The following GPR137B variants were observed in gnomAD, a reference collection of about 807,000 sequenced individuals.
GPR137B encodes G protein-coupled receptor 137B.
Under a neutral mutation model 42.5 loss-of-function variants are expected in GPR137B, and 42 were observed. The observed-to-expected ratio is 0.99, with a 90% CI of 0.77 to 1.28. GPR137B has a LOEUF of 1.28. GPR137B is among the 50% of genes most tolerant of loss of function. GPR137B has a pLI of 0.00. For missense variants in GPR137B, 487 were observed against 493.9 expected (o/e 0.99, Z 0.13); for synonymous variants, 218 against 209.7 (o/e 1.04, Z -0.34).
At position 236,183,900 on chromosome 1, in the gene GPR137B, G is replaced by A. The variant is rs1281679785; in HGVS notation, c.960G>A (p.Lys320=). The change falls in exon 5 of 7, where the codon AAG becomes AAA. Residue 320 remains lysine, a synonymous_variant. Transcript: ENST00000366592. ...VYFFRVRNPT[K]DLTNPGMVPS... Reference sequence around the variant, plus strand: ...TCTTCCGAGTTAGAAATCCTACAAAGGACCTTGTAAGTAAACCATTTTACA... The same window carrying A: ...TCTTCCGAGTTAGAAATCCTACAAAAGACCTTGTAAGTAAACCATTTTACA... 1 of 1,607,130 alleles carries A rather than the reference G, an allele frequency of 6.2e-7. No homozygotes were observed. The highest frequency in any genetic ancestry group is 1.3e-5 in the African/African-American group (1 of 74,642).
intron 5 of GPR137B, among the ~76,000 whole-genome samples, chr1:236,197,968 G>GC (rs1558495528): frequency 6.6e-6 from 1 of 152,054 alleles, no homozygotes; most frequent in Non-Finnish European, 1.5e-5. Flanking sequence ...TGATCCACCC[G>GC]CCTCGGCCTC....
chr1:236,184,987 G>C (rs1261501684), intron 5 of GPR137B, among the ~76,000 whole-genome samples: 2 of 152,086 alleles, frequency 1.3e-5, no homozygotes, highest in African/African-American at 4.8e-5. Flanking sequence ...GGCTGGTCTC[G>C]AACTCCTGAC....
chr1:236,183,784 T>A lies in GPR137B; in HGVS notation c.844T>A (p.Leu282Met), dbSNP rs1238023545. Residue 282 changes from leucine (L) to methionine (M), a missense_variant, in exon 5 of 7, where the codon TTG (leucine) becomes ATG (methionine). Physicochemically the swap from Leu to Met is conservative, Grantham distance 15 (BLOSUM62 2). Transcript: ENST00000366592. ...CCCTGTCTGTTTCTAACAGGCAGAT[T>A]TGAAGAATCAGCTGGGAGATGCTGG... is the stretch of plus-strand genomic sequence containing the variant. ...DWYNVSDQAD[L>M]KNQLGDAGYV... 2 of 1,607,544 alleles carry A rather than the reference T, an allele frequency of 1.2e-6. No individual in the cohort carries two copies. The highest frequency in any genetic ancestry group is 3.4e-5 in the Admixed American group (2 of 59,522).
At chr1:236,180,456 G>A (rs750693615) in intron 4 of GPR137B, among the ~76,000 whole-genome samples, 1 of 152,056 alleles carries the variant, frequency 6.6e-6, no homozygotes, top group Non-Finnish European at 1.5e-5. Context: ...GACCTTGAGA[G>A]GTCACTTCCC....
At chr1:236,168,598 G>C (rs146537887) in intron 1 of GPR137B, 108 bp from the exon 2 acceptor site, 2 of 787,600 alleles carry the variant, frequency 2.5e-6, no homozygotes, top group South Asian at 1.4e-5. Flanking sequence ...TATAAAAAAC[G>C]TGCCCAGCGC....
At position 236,208,041 on chromosome 1, in the gene GPR137B, CTTTT is replaced by C. The variant is rs1242365236; in HGVS notation, c.1092-7_1092-4del. ...TTTCAAGTCACTGAAATATTTTTTT[CTTTT>C]TAAGTTTTGCTCCAGATTACTATGA... is the stretch of plus-strand genomic sequence containing the variant. On this transcript the variant is annotated splice_polypyrimidine_tract_variant and splice_region_variant and intron_variant, in intron 6 of 6. Transcript: ENST00000366592. The C allele has an allele frequency of 2.5e-6, 4 of 1,597,078 alleles. No individual in the cohort carries two copies. Among genetic ancestry groups the C allele is most frequent in the East Asian group, 2.2e-5 (1 of 44,736 alleles).
At chr1:236,184,188 CATT>C (rs1468233367) in intron 5 of GPR137B, among the ~76,000 whole-genome samples, 18 of 152,260 alleles carry the variant, frequency 1.2e-4, no homozygotes, top group African/African-American at 4.3e-4. Context: ...ACCATTGCCT[CATT>C]AGTATTTGAG....
intron 5 of GPR137B, among the ~76,000 whole-genome samples, chr1:236,202,002 T>G (rs1663505546): frequency 6.6e-6 from 1 of 151,928 alleles, no homozygotes; most frequent in African/African-American, 2.4e-5. Context: ...CAGACTGCAG[T>G]GATTGTTATT....
At chr1:236,178,103 T>G (rs939086788) in intron 2 of GPR137B, among the ~76,000 whole-genome samples, 5 of 152,188 alleles carry the variant, frequency 3.3e-5, no homozygotes, top group African/African-American at 9.6e-5. Flanking sequence ...CATCCCGAGC[T>G]GTGCTCTCCA....
chr1:236,187,691 A>C (rs1571997965), intron 5 of GPR137B, among the ~76,000 whole-genome samples: 1 of 94,396 alleles, frequency 1.1e-5, no homozygotes, highest in Non-Finnish European at 2.3e-5. Context: ...TGGTCTATAT[A>C]TCTGTTTTGG....
chr1:236,187,705 C>T (rs888485318), intron 5 of GPR137B, among the ~76,000 whole-genome samples: 3 of 149,292 alleles, frequency 2.0e-5, no homozygotes, highest in Non-Finnish European at 3.0e-5. Flanking sequence ...GTTTTGGTAC[C>T]AGTACCATGC....
intron 5 of GPR137B, among the ~76,000 whole-genome samples, chr1:236,185,991 A>T (rs1157042546): frequency 6.6e-6 from 1 of 150,954 alleles, no homozygotes; most frequent in East Asian, 1.9e-4. Flanking sequence ...AGATTTCCCT[A>T]GTCTCGACTT....
At position 236,190,411 on chromosome 1, in the gene GPR137B, AGCT is replaced by A. The variant is rs547216309; in HGVS notation, c.966+6506_966+6508del. Among the ~76,000 whole-genome samples the A allele has an allele frequency of 8.7e-4, 132 of 152,278 alleles. 3 individuals carry two copies. In the Middle Eastern group the frequency reaches 0.01, roughly 12 times the overall value. On this transcript the variant is annotated intron_variant, in intron 5 of 6. Coordinates refer to ENST00000366592, the MANE Select transcript of GPR137B (RefSeq NM_003272.4). ...GATTATTTTGCCCATTAGTTGATGC[AGCT>A]TCTTTATAGTGTTGACGGGCTTTAC...
chr1:236,197,042 C>T (rs930203568), intron 5 of GPR137B, among the ~76,000 whole-genome samples: 2 of 152,212 alleles, frequency 1.3e-5, no homozygotes, highest in Admixed American at 6.5e-5. Flanking sequence ...ATGCCAACAT[C>T]TGTTATTTTT....
chr1:236,166,813 A>G (rs766303181), intron 1 of GPR137B, among the ~76,000 whole-genome samples: 3 of 151,928 alleles, frequency 2.0e-5, no homozygotes, highest in Non-Finnish European at 4.4e-5. Context: ...TAAGATCATT[A>G]TCTTATGGTT....
At chr1:236,170,088 T>G (rs1571980398) in intron 2 of GPR137B, among the ~76,000 whole-genome samples, 2 of 142,646 alleles carry the variant, frequency 1.4e-5, no homozygotes, top group African/African-American at 5.2e-5. Context: ...TGACTGGGGT[T>G]GGGGGAGGAG....
In GPR137B at chr1:236,173,671, C is replaced by A. The variant is rs569980014; in HGVS notation, c.465-4743C>A. Among the ~76,000 whole-genome samples, 8 of 152,160 alleles carry A rather than the reference C, an allele frequency of 5.3e-5. No individual in the cohort carries two copies. The East Asian group carries it at 1.5e-3, about 29-fold the overall frequency. On this transcript the variant is annotated intron_variant, in intron 2 of 6. Coordinates refer to ENST00000366592, the MANE Select transcript of GPR137B (RefSeq NM_003272.4). ...CACTGATTGTTTTATTTCTTTGGGT[C>A]ATTTCTGTCATCATGCCAGGATGAG... is the stretch of plus-strand genomic sequence containing the variant.
chr1:236,178,742 G>C (rs1472311427), intron 3 of GPR137B, 106 bp downstream of exon 3: 1 of 449,868 alleles, frequency 2.2e-6, no homozygotes, highest in African/African-American at 2.2e-5. Context: ...ATTTTGCCTT[G>C]ACTTTCTCCG....
rs1363707235 is a variant in GPR137B at position 236,150,908 on chromosome 1, G to A, written c.414+7872G>A. Among the ~76,000 whole-genome samples the A allele has an allele frequency of 6.6e-6, 1 of 152,246 alleles. No individual in the cohort carries two copies. The highest frequency in any genetic ancestry group is 2.4e-5 in the African/African-American group (1 of 41,468). ...CTCTGAGCCCCAGGCTAGCTGCTCA[G>A]CGTTGAGTGGCGGGGAGTGGAGGGC... On this transcript the variant is annotated intron_variant, in intron 1 of 6. Transcript: ENST00000366592. The surrounding 1 kb of genome is among the most constrained non-coding windows in gnomAD (Gnocchi z 6.2).
Sources: allele counts gnomAD v4.1 joint callset (sites outside exome capture counted in the v4.1 genomes callset), GRCh38; gene constraint gnomAD v4.1.1; non-coding constraint Gnocchi (gnomAD v3.1); transcripts MANE v1.5; gene names NCBI Gene and HGNC (gene_info 2026-07-23, HGNC 2026-07-21).